Variants in IL4R observed in about 807,000 individuals in gnomAD.
The protein encoded by IL4R is interleukin-4 receptor subunit alpha.
IL4R carries 17 observed loss-of-function variants against 41.5 expected under a neutral mutation model. The ratio of observed to expected loss-of-function variants is 0.41; its 90% confidence interval spans 0.28 to 0.61. The LOEUF is 0.61. IL4R is among the 20% of genes least tolerant of loss of function. IL4R has a pLI of 0.31. For missense variants in IL4R, 974 were observed against 1,043.1 expected (o/e 0.93, Z 0.91); for synonymous variants, 402 against 422.9 (o/e 0.95, Z 0.61).
At position 27,328,194 on chromosome 16, in the gene IL4R, A is replaced by G. The variant is rs1007923516; in HGVS notation, c.-151-1872A>G. On this transcript the variant is annotated intron_variant, in intron 1 of 10. Transcript: ENST00000395762. ...TGCACTCCAGACTGGTGACAAAGCT[A>G]GGCTCCATCTCAAAAAAAAAAAAAA... Among the ~76,000 whole-genome samples the G allele has an allele frequency of 1.8e-3, 218 of 119,312 alleles. 1 individual carries two copies. The highest frequency in any genetic ancestry group is 6.6e-3 in the African/African-American group (213 of 32,482). The allele number at this position is 119,312 out of a possible 152,430, so 78.3% of individuals were successfully genotyped here. A position where few individuals can be genotyped will look rare whatever the true frequency, so the allele number is the denominator to read the frequency against.
At chr16:27,319,965 T>C (rs1274398330) in intron 1 of IL4R, among the ~76,000 whole-genome samples, 1 of 152,098 alleles carries the variant, frequency 6.6e-6, no homozygotes, top group Non-Finnish European at 1.5e-5. Context: ...CACCTCCCCA[T>C]GTTCAAGTGA....
chr16:27,335,851 G>A (rs754864183), intron 2 of IL4R, among the ~76,000 whole-genome samples: 5 of 152,130 alleles, frequency 3.3e-5, no homozygotes, highest in Non-Finnish European at 5.9e-5. Flanking sequence ...CATCCTGGAC[G>A]TATAAAGGGC....
rs764413782 is a variant in IL4R, at chr16:27,363,575, T to G, written c.2223T>G (p.Ser741Arg). The G allele has an allele frequency of 6.2e-7, 1 of 1,614,158 alleles. No homozygotes were observed. Among genetic ancestry groups the G allele is most frequent in the South Asian group, 1.1e-5 (1 of 91,088 alleles). Residue 741 changes from serine to arginine, a missense_variant, in exon 11 of 11, where the codon AGT becomes AGG. This residue lies in a region of IL4R where 682 missense variants were observed against 704.3 expected (regional missense o/e 0.97). Transcript: ENST00000395762. ...EDGGQTPVMA[S>R]PCCGCCCGDR... ...GTGGCCAGACCCCTGTCATGGCCAGTCCTTGCTGTGGCTGCTGCTGTGGAG... is the reference window on the plus strand; with the variant it reads ...GTGGCCAGACCCCTGTCATGGCCAGGCCTTGCTGTGGCTGCTGCTGTGGAG...
chr16:27,353,150 G>T (rs1228629832), intron 7 of IL4R, among the ~76,000 whole-genome samples: 5 of 152,098 alleles, frequency 3.3e-5, no homozygotes, highest in African/African-American at 1.2e-4. Flanking sequence ...GGGCAATATA[G>T]TGAAACCCCC....
chr16:27,333,199 C>CT lies in IL4R; in HGVS notation c.-19+3014dup, dbSNP rs60009498. Among the ~76,000 whole-genome samples, 1,343 of 142,836 alleles carry CT rather than the reference C, an allele frequency of 9.4e-3. 19 individuals are homozygous for CT. The highest frequency in any genetic ancestry group is 0.031 in the African/African-American group (1,208 of 39,290). 93.7% of individuals were successfully genotyped at this position (142,836 alleles called of 152,430 possible). On this transcript the variant is annotated intron_variant, in intron 2 of 10. Coordinates refer to ENST00000395762, the MANE Select transcript of IL4R (RefSeq NM_000418.4). ...TCTGTTAATATGACCTCGGGTGACT[C>CT]TTTTTTTTTTTTTAAGTTGCTGCTT...
chr16:27,342,329 G>T, intron 4 of IL4R, 70 bp downstream of exon 4: 1 of 1,587,320 alleles, frequency 6.3e-7, no homozygotes, highest in Non-Finnish European at 8.6e-7. Context: ...AGTGAGCTGG[G>T]TCCAGGTGGT....
Position 27,345,855 on chromosome 16 carries a change from C to G in IL4R, c.362-612C>G, listed in dbSNP as rs2085623327. ...GGCATGGTGGCAGGCGCCTGTAATCCCAGCTACTTGGGAGGCTGAGGTAGG... is the reference window on the plus strand; with the variant it reads ...GGCATGGTGGCAGGCGCCTGTAATCGCAGCTACTTGGGAGGCTGAGGTAGG... On this transcript the variant is annotated intron_variant, in intron 5 of 10. Coordinates refer to ENST00000395762, the MANE Select transcript of IL4R (RefSeq NM_000418.4). The surrounding 1 kb of genome is among the most constrained non-coding windows in gnomAD (Gnocchi z 4.5). 6.6e-6 allele frequency among the ~76,000 whole-genome samples: 1 copy of G among 152,176 alleles called. No individual in the cohort carries two copies. The highest frequency in any genetic ancestry group is 1.9e-4 in the East Asian group (1 of 5,190).
intron 4 of IL4R, among the ~76,000 whole-genome samples, chr16:27,342,747 G>A (rs1488547650): frequency 6.6e-6 from 1 of 152,074 alleles, no homozygotes; most frequent in Non-Finnish European, 1.5e-5. Context: ...TCCTGCCTCC[G>A]CCTCCCAAAG....
At chr16:27,357,705 C>G (rs1387987573) in intron 8 of IL4R, among the ~76,000 whole-genome samples, 1 of 151,914 alleles carries the variant, frequency 6.6e-6, no homozygotes, top group Admixed American at 6.6e-5. Flanking sequence ...CTCAAGTGAT[C>G]CACCCACCTC....
chr16:27,329,223 C>T (rs2085045398), intron 1 of IL4R, among the ~76,000 whole-genome samples: 1 of 152,060 alleles, frequency 6.6e-6, no homozygotes, highest in East Asian at 1.9e-4. Flanking sequence ...GAGGCCTCCC[C>T]AGAAGCCAAG....
At chr16:27,315,961 C>A (rs1232964378) in intron 1 of IL4R, among the ~76,000 whole-genome samples, 1 of 152,162 alleles carries the variant, frequency 6.6e-6, no homozygotes, top group Non-Finnish European at 1.5e-5. Context: ...GGAAGTGACT[C>A]AATGACTGAT....
In IL4R at chr16:27,351,714, C is replaced by T. The variant is rs144927874; in HGVS notation, c.514-826C>T. On this transcript the variant is annotated intron_variant, in intron 6 of 10. Transcript: ENST00000395762. ...ATTTTTAGTAGAGACAGAGTTTCAC[C>T]ATGTTGGCCAGGCTGGTCTTGAACT... 7.3e-3 allele frequency among the ~76,000 whole-genome samples: 1,114 copies of T among 152,164 alleles called. 18 individuals carry two copies. Among genetic ancestry groups the T allele is most frequent in the African/African-American group, 0.025 (1,037 of 41,510 alleles).
chr16:27,326,892 C>T (rs1448675582), intron 1 of IL4R, among the ~76,000 whole-genome samples: 2 of 152,140 alleles, frequency 1.3e-5, no homozygotes, highest in Non-Finnish European at 2.9e-5. Context: ...GCCTGGCCTG[C>T]CTTACTATCC....
chr16:27,331,372 C>G (rs2085108143), intron 2 of IL4R, among the ~76,000 whole-genome samples: 1 of 152,136 alleles, frequency 6.6e-6, no homozygotes, highest in South Asian at 2.1e-4. Flanking sequence ...CAACCTCAGA[C>G]AAATCACTCA....
chr16:27,363,469 G>T lies in IL4R; in HGVS notation c.2117G>T (p.Ser706Ile). The change falls in exon 11 of 11, where the codon AGC becomes ATC. Residue 706 changes from serine (S) to isoleucine (I), a missense_variant. Physicochemically the swap from Ser to Ile is moderately radical, Grantham distance 142. Around this residue, in one of 3 missense-constraint regions of IL4R, gnomAD observed 682 missense variants for 704.3 expected, o/e 0.97. Coordinates refer to ENST00000395762, the MANE Select transcript of IL4R (RefSeq NM_000418.4). ...CAGGCCACAGACCCCCTTGTGGACA[G>T]CCTGGGCAGTGGCATTGTCTACTCA... Reference protein sequence around the residue: ...QEQATDPLVDSLGSGIVYSAL... With the variant: ...QEQATDPLVDILGSGIVYSAL... 1 of 1,614,124 alleles carries T rather than the reference G, an allele frequency of 6.2e-7. No individual in the cohort carries two copies. The highest frequency in any genetic ancestry group is 1.1e-5 in the South Asian group (1 of 91,076).
At chr16:27,356,084 CTTTTTT>C (rs36125482) in intron 8 of IL4R, among the ~76,000 whole-genome samples, 177 bp downstream of exon 8, 1 of 113,732 alleles carries the variant, frequency 8.8e-6, no homozygotes, top group Admixed American at 9.4e-5. Flanking sequence ...CCACTTTTTT[CTTTTTT>C]TTTTTTTTTT....
chr16:27,360,705 C>T lies in IL4R; in HGVS notation c.850-61C>T, dbSNP rs368332343. 107 of 1,609,736 alleles carry T rather than the reference C, an allele frequency of 6.6e-5. 1 individual carries two copies. The highest frequency in any genetic ancestry group is 3.6e-4 in the East Asian group (16 of 44,878). Reference sequence around the variant, plus strand: ...GCTTGTACCCCTTCCTGAGCATTGCCGTACTCCAGGCCGGGCTGCAAGGCC... The same window carrying T: ...GCTTGTACCCCTTCCTGAGCATTGCTGTACTCCAGGCCGGGCTGCAAGGCC... On this transcript the variant is annotated intron_variant, in intron 9 of 10. Coordinates refer to ENST00000395762, the MANE Select transcript of IL4R (RefSeq NM_000418.4).
chr16:27,362,587 T>C lies in IL4R; in HGVS notation c.1235T>C (p.Leu412Pro). The C allele has an allele frequency of 6.2e-7, 1 of 1,614,210 alleles. No individual in the cohort carries two copies. Among genetic ancestry groups the C allele is most frequent in the Non-Finnish European group, 8.5e-7 (1 of 1,180,026 alleles). Residue 412 changes from leucine (L) to proline (P), a missense_variant, in exon 11 of 11, where the codon CTG becomes CCG. Physicochemically the swap from Leu to Pro is moderately conservative, Grantham distance 98. Coordinates refer to ENST00000395762, the MANE Select transcript of IL4R (RefSeq NM_000418.4). Reference protein sequence around the residue: ...IVARLTESLFLDLLGEENGGF... With the variant: ...IVARLTESLFPDLLGEENGGF... ...GCCCGGCTAACAGAGAGCCTGTTCCTGGACCTGCTCGGAGAGGAGAATGGG... is the reference window on the plus strand; with the variant it reads ...GCCCGGCTAACAGAGAGCCTGTTCCCGGACCTGCTCGGAGAGGAGAATGGG...
At chr16:27,342,464 G>A (rs3024545) in intron 4 of IL4R, among the ~76,000 whole-genome samples, 2,779 of 152,164 alleles carry the variant, frequency 0.018, 86 homozygotes, top group African/African-American at 0.063. Flanking sequence ...GTTGGTCCAC[G>A]TGGCACATGG....
Sources: gnomAD v4.1 joint callset for allele counts (sites outside exome capture counted in the v4.1 genomes callset) on GRCh38, gnomAD v4.1.1 for gene constraint, gnomAD v4.1.1 regional missense constraint, Gnocchi (gnomAD v3.1) non-coding constraint, MANE v1.5 for transcripts, NCBI Gene and HGNC (gene_info 2026-07-23, HGNC 2026-07-21) for gene names.